Variants in OTUD7A observed in about 807,000 individuals in gnomAD.
OTUD7A encodes the protein OTU domain-containing protein 7A.
In OTUD7A, 12 loss-of-function variants were observed where a neutral mutation model predicts 65.7. The observed-to-expected ratio is 0.18, with a 90% CI of 0.12 to 0.30. The LOEUF (loss-of-function observed/expected upper bound fraction) is 0.30, where lower values mean the gene tolerates loss of function less well. OTUD7A is among the 10% of genes least tolerant of loss of function. OTUD7A has a pLI of 1.00. For synonymous variants in OTUD7A, 641 were observed against 586.3 expected (o/e 1.09, Z -1.35); for missense variants, 1,148 against 1,304.8 (o/e 0.88, Z 1.85).
chr15:31,771,968 G>T (rs1185091633), intron 1 of OTUD7A, among the ~76,000 whole-genome samples: 2 of 152,144 alleles, frequency 1.3e-5, no homozygotes, highest in Non-Finnish European at 2.9e-5. Context: ...ATTTTAGAGT[G>T]GGGGCCGGGC....
intron 4 of OTUD7A, 144 bp downstream of exon 4, chr15:31,569,874 G>T: frequency 1.2e-6 from 1 of 800,530 alleles, no homozygotes; most frequent in Non-Finnish European, 1.9e-6. Flanking sequence ...TTTCGGCATA[G>T]TGTGAGAAAG....
Position 31,484,785 on chromosome 15 carries a change from G to A in OTUD7A, c.1372-61C>T, listed in dbSNP as rs1181629462. 5 of 1,546,232 alleles carry A rather than the reference G, an allele frequency of 3.2e-6. No individual in the cohort carries two copies. Among genetic ancestry groups the A allele is most frequent in the Admixed American group, 1.9e-5 (1 of 53,654 alleles). ...AGAGAAGAGCTGTCCACGCGCCAGCGAGGAAGACACACCTTGCCCCTGTGT... is the reference window on the plus strand; with the variant it reads ...AGAGAAGAGCTGTCCACGCGCCAGCAAGGAAGACACACCTTGCCCCTGTGT... On this transcript the variant is annotated intron_variant, in intron 12 of 12. Transcript: ENST00000307050. The surrounding 1 kb of genome is among the most constrained non-coding windows in gnomAD (Gnocchi z 4.5).
At chr15:31,536,615 GGC>G (rs2141129963) in intron 5 of OTUD7A, among the ~76,000 whole-genome samples, 1 of 152,316 alleles carries the variant, frequency 6.6e-6, no homozygotes, top group South Asian at 2.1e-4. Flanking sequence ...ATCTGTCAAT[GGC>G]TAAAGAAAAC....
At position 31,735,101 on chromosome 15, in the gene OTUD7A, T is replaced by C. The variant is rs562828784; in HGVS notation, c.-99-78024A>G. 4.6e-5 allele frequency among the ~76,000 whole-genome samples: 7 copies of C among 152,260 alleles called. No individual in the cohort carries two copies. In the South Asian group the frequency reaches 6.2e-4, roughly 14 times the overall value. Reference sequence around the variant, plus strand: ...GGCAAAGGACATGAACAGACACTTCTCAAAAGAAGACATACATGTAGTCAA... The same window carrying C: ...GGCAAAGGACATGAACAGACACTTCCCAAAAGAAGACATACATGTAGTCAA... On this transcript the variant is annotated intron_variant, in intron 1 of 12. Transcript: ENST00000307050.
chr15:31,608,642 G>A (rs1269802901), intron 3 of OTUD7A, among the ~76,000 whole-genome samples: 1 of 152,182 alleles, frequency 6.6e-6, no homozygotes, highest in Non-Finnish European at 1.5e-5. Context: ...TTGAAAAATC[G>A]TAAGTTGAAC....
At chr15:31,808,075 T>C (rs1896316801) in intron 1 of OTUD7A, among the ~76,000 whole-genome samples, 1 of 147,796 alleles carries the variant, frequency 6.8e-6, no homozygotes, top group Non-Finnish European at 1.5e-5. Flanking sequence ...TATTTTGTTA[T>C]ATAATTGAGC....
At chr15:31,504,311 TGGA>T (rs942177191) in intron 8 of OTUD7A, among the ~76,000 whole-genome samples, 3 of 151,680 alleles carry the variant, frequency 2.0e-5, no homozygotes, top group South Asian at 4.2e-4. Flanking sequence ...CTCACCCCAA[TGGA>T]GGAGAACAGT....
At chr15:31,738,746 C>G (rs2141370248) in intron 1 of OTUD7A, among the ~76,000 whole-genome samples, 1 of 152,310 alleles carries the variant, frequency 6.6e-6, no homozygotes, top group African/African-American at 2.4e-5. Flanking sequence ...ATGATTGTTT[C>G]TTGGGATAGT....
chr15:31,673,204 C>T (rs1892523890), intron 1 of OTUD7A, among the ~76,000 whole-genome samples: 1 of 152,282 alleles, frequency 6.6e-6, no homozygotes, highest in South Asian at 2.1e-4. Flanking sequence ...ATGGGGTAAC[C>T]TCCCAAGAAA....
chr15:31,671,398 C>G (rs1298799851), intron 1 of OTUD7A, among the ~76,000 whole-genome samples: 1 of 152,144 alleles, frequency 6.6e-6, no homozygotes, highest in Non-Finnish European at 1.5e-5. Flanking sequence ...TTTCCAAGAT[C>G]TCTATTCTGT....
At chr15:31,566,084 G>A (rs549472823) in intron 4 of OTUD7A, among the ~76,000 whole-genome samples, 82 of 151,914 alleles carry the variant, frequency 5.4e-4, no homozygotes, top group African/African-American at 1.9e-3. Context: ...CCAGTTACTC[G>A]GGAGGCTGAA....
At chr15:31,507,324 T>C (rs1455179536) in intron 8 of OTUD7A, among the ~76,000 whole-genome samples, 1 of 152,138 alleles carries the variant, frequency 6.6e-6, no homozygotes, top group East Asian at 1.9e-4. Context: ...GGTTTTTTAA[T>C]GAAATAGATG....
At chr15:31,716,859 A>G (rs1387816334) in intron 1 of OTUD7A, among the ~76,000 whole-genome samples, 1 of 152,248 alleles carries the variant, frequency 6.6e-6, no homozygotes. Context: ...GATGAGCCAC[A>G]AAGCCTGTGG....
At chr15:31,559,223 G>T in intron 4 of OTUD7A, 36 bp from the exon 5 acceptor site, 1 of 1,587,508 alleles carries the variant, frequency 6.3e-7, no homozygotes, top group Non-Finnish European at 8.6e-7. Context: ...CCCAAGGGCT[G>T]AGTGGGTGTA....
At position 31,487,477 on chromosome 15, in the gene OTUD7A, C is replaced by A; in HGVS notation, c.1261G>T (p.Asp421Tyr). 6.2e-7 allele frequency: 1 copy of A among 1,614,020 alleles called. No individual in the cohort carries two copies. Among genetic ancestry groups the A allele is most frequent in the Non-Finnish European group, 8.5e-7 (1 of 1,180,006 alleles). The change falls in exon 11 of 13, where the codon GAC becomes TAC. Residue 421 changes from aspartate (D) to tyrosine (Y), a missense_variant. Coordinates refer to ENST00000307050, the MANE Select transcript of OTUD7A (RefSeq NM_001382637.1). The surrounding 1 kb of genome is among the most constrained non-coding windows in gnomAD (Gnocchi z 6.0). ...TGGGCCAGCCGGGCGTTATCGTTGT[C>A]GTCTTTCCCCCACTCCCAGTCCTTG... ...PGKDWEWGKD[D>Y]NDNARLAHLI...
intron 1 of OTUD7A, among the ~76,000 whole-genome samples, chr15:31,764,047 G>C (rs765630046): frequency 5.3e-5 from 8 of 152,198 alleles, no homozygotes; most frequent in Non-Finnish European, 1.0e-4. Context: ...TCTCAGACAA[G>C]AGTGACACGG....
At chr15:31,830,545 C>G (rs1163791010) in intron 1 of OTUD7A, among the ~76,000 whole-genome samples, 1 of 152,148 alleles carries the variant, frequency 6.6e-6, no homozygotes, top group Non-Finnish European at 1.5e-5. Flanking sequence ...AATAAAATGG[C>G]CAAGGTCAAC....
rs1383881114 is a variant in OTUD7A, at chr15:31,822,667, G to A, written c.-100+47840C>T. Among the ~76,000 whole-genome samples, 5 of 152,346 alleles carry A rather than the reference G, an allele frequency of 3.3e-5. No individual in the cohort carries two copies. In the East Asian group the frequency reaches 9.6e-4, roughly 29 times the overall value. ...ACTTTCTTTAAATAGCACACTGCAA[G>A]TGTCAGTTGCCGGGACTTTCTTACA... On this transcript the variant is annotated intron_variant, in intron 1 of 12. Transcript: ENST00000307050.
intron 1 of OTUD7A, among the ~76,000 whole-genome samples, chr15:31,770,678 A>C (rs908729322): frequency 5.3e-5 from 8 of 152,240 alleles, no homozygotes; most frequent in Admixed American, 3.3e-4. Context: ...GAGCAAACCA[A>C]ATTCAGCAAC....
Sources: allele counts gnomAD v4.1 joint callset (sites outside exome capture counted in the v4.1 genomes callset), GRCh38; gene constraint gnomAD v4.1.1; non-coding constraint Gnocchi (gnomAD v3.1); transcripts MANE v1.5; gene names NCBI Gene and HGNC (gene_info 2026-07-23, HGNC 2026-07-21).